SLIT3: variants seen among roughly 807,000 people sequenced by gnomAD.
The protein encoded by SLIT3 is slit guidance ligand 3.
SLIT3 carries 68 observed loss-of-function variants against 184.0 expected under a neutral mutation model. The observed-to-expected ratio is 0.37, with a 90% CI of 0.30 to 0.45. SLIT3 has a LOEUF of 0.45. Ranked by LOEUF, SLIT3 falls within the 20% of genes least tolerant of loss-of-function variation. SLIT3 has a pLI of 1.00. For missense variants in SLIT3, 1,707 were observed against 2,026.0 expected (o/e 0.84, Z 3.02); for synonymous variants, 831 against 828.6 (o/e 1.00, Z -0.05).
At chr5:169,186,871 ACCATGAT>A (rs1421927563) in intron 4 of SLIT3, among the ~76,000 whole-genome samples, 1 of 8,038 alleles carries the variant, frequency 1.2e-4, no homozygotes, top group Non-Finnish European at 2.5e-4. Context: ...CCACCATGAT[ACCATGAT>A]AACAGCGCCA....
chr5:168,778,528 C>T (rs975941741), intron 12 of SLIT3, among the ~76,000 whole-genome samples: 1 of 152,184 alleles, frequency 6.6e-6, no homozygotes. Context: ...CCTCCTGACT[C>T]CCAGGAAGGA....
At chr5:168,824,950 G>A (rs1757651464) in intron 6 of SLIT3, among the ~76,000 whole-genome samples, 1 of 152,186 alleles carries the variant, frequency 6.6e-6, no homozygotes, top group Admixed American at 6.5e-5. Flanking sequence ...GCAAAGGCAG[G>A]ACCATTTTCT....
intron 8 of SLIT3, among the ~76,000 whole-genome samples, chr5:168,808,071 C>T (rs1757036088): frequency 6.6e-6 from 1 of 152,080 alleles, no homozygotes; most frequent in Non-Finnish European, 1.5e-5. Flanking sequence ...GAAAAAATGG[C>T]CTCATAGTGG....
At chr5:169,150,482 G>A (rs1762077909) in intron 4 of SLIT3, among the ~76,000 whole-genome samples, 1 of 150,698 alleles carries the variant, frequency 6.6e-6, no homozygotes, top group South Asian at 2.1e-4. Context: ...TGGGATCGAG[G>A]AACAATTTCC....
intron 4 of SLIT3, among the ~76,000 whole-genome samples, chr5:169,077,089 C>A (rs1758773555): frequency 6.6e-6 from 1 of 152,180 alleles, no homozygotes. Flanking sequence ...CAAGAACAAA[C>A]TCTCCTCTTC....
At position 168,961,355 on chromosome 5, in the gene SLIT3, C is replaced by T. The variant is rs576920355; in HGVS notation, c.414-78019G>A. 1.3e-3 allele frequency among the ~76,000 whole-genome samples: 204 copies of T among 152,220 alleles called. 2 individuals are homozygous for T. Among genetic ancestry groups the T allele is most frequent in the Non-Finnish European group, 9.1e-4 (62 of 68,016 alleles). On this transcript the variant is annotated intron_variant, in intron 4 of 35. Coordinates refer to ENST00000519560, the MANE Select transcript of SLIT3 (RefSeq NM_003062.4). ...TGAGTGCACTGATGAACAAACATAA[C>T]AAAATGAAAATAAAATTAACAAAAC...
intron 5 of SLIT3, among the ~76,000 whole-genome samples, chr5:168,858,930 G>A (rs914842665): frequency 6.6e-6 from 1 of 152,170 alleles, no homozygotes; most frequent in Admixed American, 6.5e-5. Flanking sequence ...ATGCAAAAGT[G>A]GGTGGCTGCT....
intron 6 of SLIT3, among the ~76,000 whole-genome samples, chr5:168,827,630 A>C (rs780208842): frequency 2.0e-5 from 3 of 152,172 alleles, no homozygotes; most frequent in Non-Finnish European, 4.4e-5. Context: ...ATGTTGTCCC[A>C]TGTGCCAGGT....
intron 20 of SLIT3, among the ~76,000 whole-genome samples, chr5:168,739,004 A>G (rs1763528609): frequency 6.6e-6 from 1 of 152,058 alleles, no homozygotes. Context: ...GCTTCCAAGT[A>G]AAAATTAAAA....
At chr5:168,782,339 G>C (rs1164530235) in intron 12 of SLIT3, among the ~76,000 whole-genome samples, 1 of 152,236 alleles carries the variant, frequency 6.6e-6, no homozygotes, top group Non-Finnish European at 1.5e-5. Context: ...TGTGATCGAT[G>C]AGCACTAAAT....
chr5:168,817,505 A>G (rs770613208), intron 7 of SLIT3, 42 bp from the exon 8 acceptor site: 2 of 1,601,702 alleles, frequency 1.2e-6, no homozygotes, highest in African/African-American at 2.7e-5. Flanking sequence ...GTCACAGGTG[A>G]AGTGTGGAGG....
intron 1 of SLIT3, among the ~76,000 whole-genome samples, chr5:169,296,631 C>T (rs1040079482): frequency 1.3e-5 from 2 of 152,164 alleles, no homozygotes; most frequent in Non-Finnish European, 2.9e-5. Flanking sequence ...CTCACTTGAC[C>T]TCAGGACCTC....
chr5:168,858,658 T>C (rs1430969516), intron 5 of SLIT3, among the ~76,000 whole-genome samples: 3 of 152,262 alleles, frequency 2.0e-5, no homozygotes, highest in African/African-American at 7.2e-5. Flanking sequence ...TCCTGGCCCT[T>C]GGAAGCCTGT....
At chr5:169,219,896 A>T (rs1406859371) in intron 3 of SLIT3, among the ~76,000 whole-genome samples, 1 of 152,172 alleles carries the variant, frequency 6.6e-6, no homozygotes, top group Non-Finnish European at 1.5e-5. Context: ...GAGATCTCGA[A>T]AAGTCTCCAG....
At chr5:169,229,065 G>C (rs1400543829) in intron 3 of SLIT3, among the ~76,000 whole-genome samples, 1 of 151,956 alleles carries the variant, frequency 6.6e-6, no homozygotes, top group Non-Finnish European at 1.5e-5. Context: ...GAAGCCGTGC[G>C]CACACACACA....
chr5:168,884,547 G>GATATATATATATATATAT (rs1491371300), intron 4 of SLIT3, among the ~76,000 whole-genome samples: 2 of 9,312 alleles, frequency 2.1e-4, no homozygotes, highest in African/African-American at 1.0e-3. Flanking sequence ...TACCAATTAC[G>GATATATATATATATATAT]AGATATATAT....
intron 6 of SLIT3, among the ~76,000 whole-genome samples, chr5:168,828,658 C>CAA (rs56974958): frequency 4.1e-5 from 4 of 97,128 alleles, no homozygotes; most frequent in South Asian, 4.1e-4. Flanking sequence ...GATCCTGACT[C>CAA]AAAAAAAAAA....
intron 4 of SLIT3, among the ~76,000 whole-genome samples, chr5:168,895,804 G>T (rs1265574441): frequency 1.3e-5 from 2 of 152,192 alleles, no homozygotes; most frequent in Non-Finnish European, 2.9e-5. Context: ...AATGGATGCA[G>T]TTCAATAGAT....
At chr5:168,843,974 C>T (rs1183439665) in intron 6 of SLIT3, among the ~76,000 whole-genome samples, 1 of 150,188 alleles carries the variant, frequency 6.7e-6, no homozygotes, top group Non-Finnish European at 1.5e-5. Flanking sequence ...CCCCCTATTT[C>T]CTGCCCCCCG....
Sources: allele counts gnomAD v4.1 joint callset (sites outside exome capture counted in the v4.1 genomes callset), GRCh38; gene constraint gnomAD v4.1.1; transcripts MANE v1.5; gene names NCBI Gene and HGNC (gene_info 2026-07-23, HGNC 2026-07-21).